RBM15B: variants seen among roughly 807,000 people sequenced by gnomAD.
RBM15B encodes putative RNA-binding protein 15B.
RBM15B carries 11 observed loss-of-function variants against 53.3 expected under a neutral mutation model. That is an observed-to-expected ratio of 0.21 (90% CI 0.13 to 0.34). The LOEUF (loss-of-function observed/expected upper bound fraction) is 0.34. Among genes scored for constraint, RBM15B ranks in the 10% least tolerant of loss-of-function variants. RBM15B has a pLI of 1.00. For missense variants in RBM15B, 1,136 were observed against 1,250.3 expected, an observed-to-expected ratio of 0.91 and a Z score of 1.38; for synonymous variants, 631 against 540.7, an observed-to-expected ratio of 1.17 and a Z score of -2.32.
rs370676706 is a variant in RBM15B, at chr3:51,392,846, C to G, written c.1447C>G (p.Arg483Gly). Residue 483 changes from arginine (R) to glycine (G), a missense_variant, in exon 1 of 1, where the codon CGC (arginine) becomes GGC (glycine). Arg to Gly is a moderately radical substitution (Grantham distance 125, BLOSUM62 -2). This residue lies in a region of RBM15B where 578 missense variants were observed against 581.6 expected (regional missense o/e 0.99). Coordinates refer to ENST00000563281, the MANE Select transcript of RBM15B (RefSeq NM_013286.5). This position sits in a 1 kb window ranked among gnomAD's most constrained non-coding sequence, Gnocchi z 7.5. ...GGGTTTTCCCTTGGGTGGACCAGAC[C>G]GCAGGCTCCGCGTGGATTTTGCCAA... ...MRGFPLGGPD[R>G]RLRVDFAKAE... 1.2e-6 allele frequency: 2 copies of G among 1,614,036 alleles called. No homozygotes were observed. Among genetic ancestry groups the G allele is most frequent in the Non-Finnish European group, 1.7e-6 (2 of 1,180,036 alleles).
chr3:51,395,115 G>GT lies in RBM15B; in HGVS notation c.*1044dup, dbSNP rs1366486770. ...CGTGTCCAGTCATACCTAGAGATTT[G>GT]TGGGGGGATACTGAACCTCTAGACT... On this transcript the variant is annotated 3_prime_UTR_variant, in exon 1 of 1. Transcript: ENST00000563281. 1 of 167,170 alleles carries GT rather than the reference G, an allele frequency of 6.0e-6. No individual in the cohort carries two copies. Among genetic ancestry groups the GT allele is most frequent in the Non-Finnish European group, 1.5e-5 (1 of 68,196 alleles). The allele number at this position is 167,170 out of a possible 1,614,324, so 10.4% of individuals were successfully genotyped here.
Position 51,392,263 on chromosome 3 carries a change from G to GGATGCCGCT in RBM15B, c.866_874dup (p.Asp289_Ala291dup). The GGATGCCGCT allele has an allele frequency of 6.2e-7, 1 of 1,600,514 alleles. No homozygotes were observed. Among genetic ancestry groups the GGATGCCGCT allele is most frequent in the Non-Finnish European group, 8.5e-7 (1 of 1,176,886 alleles). ...GTCACGCCGCCGCAGCCTTCGCCCT[G>GGATGCCGCT]GATGCCGCTGCTGCCGCCGCCGTGG... On this transcript the variant is annotated inframe_insertion, in exon 1 of 1. Coordinates refer to ENST00000563281, the MANE Select transcript of RBM15B (RefSeq NM_013286.5). The surrounding 1 kb of genome is among the most constrained non-coding windows in gnomAD (Gnocchi z 7.5).
Position 51,391,996 on chromosome 3 carries a change from C to A in RBM15B, c.597C>A (p.His199Gln). 3 of 1,598,724 alleles carry A rather than the reference C, an allele frequency of 1.9e-6. No homozygotes were observed. Among genetic ancestry groups the A allele is most frequent in the Non-Finnish European group, 2.5e-6 (3 of 1,177,954 alleles). Residue 199 changes from histidine to glutamine, a missense_variant, in exon 1 of 1, where the codon CAC (histidine) becomes CAA (glutamine). His to Gln is a conservative substitution (Grantham distance 24, BLOSUM62 0). Coordinates refer to ENST00000563281, the MANE Select transcript of RBM15B (RefSeq NM_013286.5). This position sits in a 1 kb window ranked among gnomAD's most constrained non-coding sequence, Gnocchi z 4.5. ...AGGACGCACGCGAGGCCCGCCAGCA[C>A]GCCCTGGCCCGGCAGCTGCTGCTCT... Reference protein sequence around the residue: ...HPQDAREARQHALARQLLLYD... With the variant: ...HPQDAREARQQALARQLLLYD...
At position 51,391,726 on chromosome 3, in the gene RBM15B, G is replaced by T. The variant is rs782267702; in HGVS notation, c.327G>T (p.Ser109=). The T allele has an allele frequency of 4.8e-6, 7 of 1,456,682 alleles. No individual in the cohort carries two copies. In the South Asian group the frequency reaches 6.8e-5, roughly 14 times the overall value. 90.2% of individuals were successfully genotyped at this position (1,456,682 alleles called of 1,614,324 possible). ...GGGACCCGGGCGCCTCCGGCATGTC[G>T]CCCCGCGCGTCTCCTCTGCCGCCGC... ...ASGDPGASGM[S]PRASPLPPPP... Residue 109 remains serine, a synonymous_variant, in exon 1 of 1, where the codon TCG becomes TCT. Transcript: ENST00000563281. The surrounding 1 kb of genome is among the most constrained non-coding windows in gnomAD (Gnocchi z 4.5).
Position 51,395,030 on chromosome 3 carries a change from GTTGT to G in RBM15B, c.*963_*966del, listed in dbSNP as rs1395829441. The G allele has an allele frequency of 6.0e-6, 1 of 167,176 alleles. No individual in the cohort carries two copies. Among genetic ancestry groups the G allele is most frequent in the Non-Finnish European group, 1.5e-5 (1 of 68,226 alleles). 10.4% of individuals were successfully genotyped at this position (167,176 alleles called of 1,614,324 possible). On this transcript the variant is annotated 3_prime_UTR_variant, in exon 1 of 1. Transcript: ENST00000563281. Reference sequence around the variant, plus strand: ...TGGATTTACTCATGAACTTTGCCTAGTTGTTTGTGATTTTTGGCTTTCTCTGGTC... The same window carrying G: ...TGGATTTACTCATGAACTTTGCCTAGTTGTGATTTTTGGCTTTCTCTGGTC...
chr3:51,392,797 C>T lies in RBM15B; in HGVS notation c.1398C>T (p.Ala466=). The T allele has an allele frequency of 6.2e-7, 1 of 1,614,100 alleles. No homozygotes were observed. The highest frequency in any genetic ancestry group is 1.1e-5 in the South Asian group (1 of 91,088). The change falls in exon 1 of 1, where the codon GCC becomes GCT. Residue 466 remains alanine, a synonymous_variant. Transcript: ENST00000563281. This position sits in a 1 kb window ranked among gnomAD's most constrained non-coding sequence, Gnocchi z 7.5. ...TTCAGTACGAGAGCTTGGACGCAGC[C>T]CAGGCCGCCTGTGCTAAAATGAGGG... ...AYIQYESLDA[A]QAACAKMRGF...
Position 51,396,442 on chromosome 3 carries a change from G to A in RBM15B, c.*2370G>A, listed in dbSNP as rs1280563382. 1 of 167,188 alleles carries A rather than the reference G, an allele frequency of 6.0e-6. No homozygotes were observed. The highest frequency in any genetic ancestry group is 6.5e-5 in the Admixed American group (1 of 15,286). The allele number at this position is 167,188 out of a possible 1,614,324, so 10.4% of individuals were successfully genotyped here. ...AACTCTCAGGCCTTGGCCAGCACTA[G>A]TTAGGGGAGGTCAGGTGGTCAATGT... is the stretch of plus-strand genomic sequence containing the variant. On this transcript the variant is annotated 3_prime_UTR_variant, in exon 1 of 1. Transcript: ENST00000563281.
In RBM15B at chr3:51,391,734, C is replaced by G. The variant is rs782225599; in HGVS notation, c.335C>G (p.Ala112Gly). 69 of 1,502,080 alleles carry G rather than the reference C, an allele frequency of 4.6e-5. No individual in the cohort carries two copies. The African/African-American group carries it at 8.0e-4, about 17-fold the overall frequency. 93.0% of individuals were successfully genotyped at this position (1,502,080 alleles called of 1,614,324 possible). A position where few individuals can be genotyped will look rare whatever the true frequency, so the allele number is the denominator to read the frequency against. ...GGCGCCTCCGGCATGTCGCCCCGCGCGTCTCCTCTGCCGCCGCCTCCGCCA... is the reference window on the plus strand; with the variant it reads ...GGCGCCTCCGGCATGTCGCCCCGCGGGTCTCCTCTGCCGCCGCCTCCGCCA... ...DPGASGMSPR[A>G]SPLPPPPPPP... Residue 112 changes from alanine (A) to glycine (G), a missense_variant, in exon 1 of 1, where the codon GCG (alanine) becomes GGG (glycine). By Grantham distance (60) the Ala-to-Gly change is moderately conservative. Coordinates refer to ENST00000563281, the MANE Select transcript of RBM15B (RefSeq NM_013286.5). The surrounding 1 kb of genome is among the most constrained non-coding windows in gnomAD (Gnocchi z 4.5).
Position 51,394,108 on chromosome 3 carries a change from A to C in RBM15B, c.*36A>C, listed in dbSNP as rs200082501. ...TCTTTCCCAGCGTCATGTTTGTGTCACAAAAGCAGTTATTTTAAAATCTGA... is the reference window on the plus strand; with the variant it reads ...TCTTTCCCAGCGTCATGTTTGTGTCCCAAAAGCAGTTATTTTAAAATCTGA... On this transcript the variant is annotated 3_prime_UTR_variant, in exon 1 of 1. Transcript: ENST00000563281. The C allele has an allele frequency of 7.2e-7, 1 of 1,385,470 alleles. No homozygotes were observed. The highest frequency in any genetic ancestry group is 1.5e-5 in the African/African-American group (1 of 67,980). 85.8% of individuals were successfully genotyped at this position (1,385,470 alleles called of 1,614,324 possible). A position where few individuals can be genotyped will look rare whatever the true frequency, so the allele number is the denominator to read the frequency against.
At position 51,391,639 on chromosome 3, in the gene RBM15B, G is replaced by T; in HGVS notation, c.240G>T (p.Ala80=). 1 of 1,192,522 alleles carries T rather than the reference G, an allele frequency of 8.4e-7. No homozygotes were observed. The highest frequency in any genetic ancestry group is 1.0e-6 in the Non-Finnish European group (1 of 963,254). The allele number at this position is 1,192,522 out of a possible 1,614,324, so 73.9% of individuals were successfully genotyped here. Residue 80 remains alanine, a synonymous_variant, in exon 1 of 1, where the codon GCG becomes GCT. Coordinates refer to ENST00000563281, the MANE Select transcript of RBM15B (RefSeq NM_013286.5). The surrounding 1 kb of genome is among the most constrained non-coding windows in gnomAD (Gnocchi z 4.5). ...GCACCGGGGACGCGAATCACCGCGC[G>T]AGTAGCGGGCGCTCCTCGGGCTCCG... is the stretch of plus-strand genomic sequence containing the variant. ...GRGTGDANHR[A]SSGRSSGSGA...
Position 51,391,752 on chromosome 3 carries a change from C to G in RBM15B, c.353C>G (p.Pro118Arg). ...MSPRASPLPP[P>R]PPPPGAEPAC... ...CCCCGCGCGTCTCCTCTGCCGCCGC[C>G]TCCGCCACCGCCTGGGGCCGAGCCC... Residue 118 changes from proline to arginine, a missense_variant, in exon 1 of 1, where the codon CCT (proline) becomes CGT (arginine). Around this residue, in one of 7 missense-constraint regions of RBM15B, gnomAD observed 257 missense variants for 261.1 expected, o/e 0.98. Transcript: ENST00000563281. The surrounding 1 kb of genome is among the most constrained non-coding windows in gnomAD (Gnocchi z 4.5). 1 of 1,549,870 alleles carries G rather than the reference C, an allele frequency of 6.5e-7. No individual in the cohort carries two copies. Among genetic ancestry groups the G allele is most frequent in the Non-Finnish European group, 8.6e-7 (1 of 1,158,654 alleles).
At position 51,391,304 on chromosome 3, in the gene RBM15B, A is replaced by C; in HGVS notation, c.-96A>C. The stretch of plus-strand genomic sequence containing the variant: ...ACCGCCGCGCCGAGTCCTTTTGTCC[A>C]AGATGGCGGCGCCGGGGGCGCTGCC... On this transcript the variant is annotated 5_prime_UTR_variant, in exon 1 of 1. Transcript: ENST00000563281. The surrounding 1 kb of genome is among the most constrained non-coding windows in gnomAD (Gnocchi z 4.5). 9.9e-7 allele frequency: 1 copy of C among 1,006,140 alleles called. No homozygotes were observed. The highest frequency in any genetic ancestry group is 1.2e-6 in the Non-Finnish European group (1 of 806,112). 62.3% of individuals were successfully genotyped at this position (1,006,140 alleles called of 1,614,324 possible).
Position 51,391,867 on chromosome 3 carries a change from G to T in RBM15B, c.468G>T (p.Glu156Asp). The T allele has an allele frequency of 6.2e-7, 1 of 1,603,536 alleles. No individual in the cohort carries two copies. The highest frequency in any genetic ancestry group is 8.5e-7 in the Non-Finnish European group (1 of 1,179,302). ...LSPALPAEHL[E>D]DRLFHQFKRF... ...CCGCGCTGCCCGCCGAGCACCTCGAGGACCGGCTCTTCCACCAGTTCAAGC... is the reference window on the plus strand; with the variant it reads ...CCGCGCTGCCCGCCGAGCACCTCGATGACCGGCTCTTCCACCAGTTCAAGC... Residue 156 changes from glutamate (E) to aspartate (D), a missense_variant, in exon 1 of 1, where the codon GAG (glutamate) becomes GAT (aspartate). Transcript: ENST00000563281. This position sits in a 1 kb window ranked among gnomAD's most constrained non-coding sequence, Gnocchi z 4.5.
rs1553621941 is a variant in RBM15B at position 51,393,315 on chromosome 3, A to G, written c.1916A>G (p.Asn639Ser). ...ACCCCTGAGCGCAGCCGCAAGGAGA[A>G]CCACTCCAGTGAAGGGACCAAGGAG... is the stretch of plus-strand genomic sequence containing the variant. ...DRTPERSRKE[N>S]HSSEGTKESS... Residue 639 changes from asparagine to serine, a missense_variant, in exon 1 of 1, where the codon AAC becomes AGC. Physicochemically the swap from Asn to Ser is conservative, Grantham distance 46 (BLOSUM62 1). Around this residue, in one of 7 missense-constraint regions of RBM15B, gnomAD observed 578 missense variants for 581.6 expected, o/e 0.99. Transcript: ENST00000563281. The surrounding 1 kb of genome is among the most constrained non-coding windows in gnomAD (Gnocchi z 5.6). 6.2e-7 allele frequency: 1 copy of G among 1,610,566 alleles called. No individual in the cohort carries two copies. Among genetic ancestry groups the G allele is most frequent in the Admixed American group, 1.7e-5 (1 of 59,154 alleles).
Position 51,393,101 on chromosome 3 carries a change from C to A in RBM15B, c.1702C>A (p.Arg568Ser). Residue 568 changes from arginine (R) to serine (S), a missense_variant, in exon 1 of 1, where the codon CGC becomes AGC. Transcript: ENST00000563281. This position sits in a 1 kb window ranked among gnomAD's most constrained non-coding sequence, Gnocchi z 5.6. The part of the protein sequence containing the change: ...DRRNSLEGYS[R>S]SVRSRSGERW... The stretch of plus-strand genomic sequence containing the variant: ...CCGAAACAGCCTTGAGGGCTACAGT[C>A]GCTCAGTGCGCAGCCGGAGTGGTGA... The A allele has an allele frequency of 1.9e-6, 3 of 1,614,016 alleles. No homozygotes were observed. The highest frequency in any genetic ancestry group is 2.5e-6 in the Non-Finnish European group (3 of 1,180,022).
rs1422632462 is a variant in RBM15B, at chr3:51,392,441, G to A, written c.1042G>A (p.Val348Ile). 4.3e-6 allele frequency: 7 copies of A among 1,613,898 alleles called. No individual in the cohort carries two copies. Among genetic ancestry groups the A allele is most frequent in the African/African-American group, 1.3e-5 (1 of 74,952 alleles). The change falls in exon 1 of 1, where the codon GTA becomes ATA. Residue 348 changes from valine to isoleucine, a missense_variant. Physicochemically the swap from Val to Ile is conservative, Grantham distance 29. This residue lies in a region of RBM15B where 40 missense variants were observed against 74.2 expected (regional missense o/e 0.54). Transcript: ENST00000563281. The surrounding 1 kb of genome is among the most constrained non-coding windows in gnomAD (Gnocchi z 7.5). ...NLFIGNLDHS[V>I]SEVELRRAFE... ...CTTCATTGGTAACCTGGACCACAGC[G>A]TATCTGAGGTGGAGCTGCGAAGGGC...
rs2089087544 is a variant in RBM15B, at chr3:51,393,987, A to G, written c.2588A>G (p.Gln863Arg). The stretch of plus-strand genomic sequence containing the variant: ...GCCTTCCCACCCTGCGACTTTTCCC[A>G]GCAGTACCTCCAGTCAGCACTAAGG... ...LYAFPPCDFS[Q>R]QYLQSALRTL... The change falls in exon 1 of 1, where the codon CAG becomes CGG. Residue 863 changes from glutamine to arginine, a missense_variant. This residue lies in a region of RBM15B where 578 missense variants were observed against 581.6 expected (regional missense o/e 0.99). Coordinates refer to ENST00000563281, the MANE Select transcript of RBM15B (RefSeq NM_013286.5). The surrounding 1 kb of genome is among the most constrained non-coding windows in gnomAD (Gnocchi z 5.6). 1.3e-6 allele frequency: 2 copies of G among 1,513,632 alleles called. No homozygotes were observed. The highest frequency in any genetic ancestry group is 4.6e-5 in the East Asian group (2 of 43,754). The allele number at this position is 1,513,632 out of a possible 1,614,324, so 93.8% of individuals were successfully genotyped here.
In RBM15B at chr3:51,392,316, A is replaced by T. The variant is rs782403499; in HGVS notation, c.917A>T (p.Tyr306Phe). ...VGLSRERALD[Y>F]YGLYDDRGRP... is the part of the protein sequence containing the mutation. ...CTGTCCCGGGAGCGGGCCCTGGACT[A>T]CTACGGGCTGTACGACGACCGTGGG... is the stretch of plus-strand genomic sequence containing the variant. Residue 306 changes from tyrosine (Y) to phenylalanine (F), a missense_variant, in exon 1 of 1, where the codon TAC becomes TTC. Physicochemically the swap from Tyr to Phe is conservative, Grantham distance 22. Around this residue, in one of 7 missense-constraint regions of RBM15B, gnomAD observed 204 missense variants for 196.8 expected, o/e 1.04. Transcript: ENST00000563281. The surrounding 1 kb of genome is among the most constrained non-coding windows in gnomAD (Gnocchi z 7.5). 6.2e-7 allele frequency: 1 copy of T among 1,612,490 alleles called. No homozygotes were observed. The highest frequency in any genetic ancestry group is 1.7e-5 in the Admixed American group (1 of 59,996).
At position 51,393,078 on chromosome 3, in the gene RBM15B, G is replaced by C. The variant is rs368511938; in HGVS notation, c.1679G>C (p.Arg560Pro). 2 of 1,613,850 alleles carry C rather than the reference G, an allele frequency of 1.2e-6. No homozygotes were observed. The highest frequency in any genetic ancestry group is 2.2e-5 in the East Asian group (1 of 44,854). The change falls in exon 1 of 1, where the codon CGA (arginine) becomes CCA (proline). Residue 560 changes from arginine (R) to proline (P), a missense_variant. Arg to Pro is a moderately radical substitution (Grantham distance 103). This residue lies in a region of RBM15B where 578 missense variants were observed against 581.6 expected (regional missense o/e 0.99). Coordinates refer to ENST00000563281, the MANE Select transcript of RBM15B (RefSeq NM_013286.5). The surrounding 1 kb of genome is among the most constrained non-coding windows in gnomAD (Gnocchi z 5.6). ...WTSPSKSSDR[R>P]NSLEGYSRSV... ...AGCCCCAGTAAAAGCTCTGACCGCC[G>C]AAACAGCCTTGAGGGCTACAGTCGC...
Sources: gnomAD v4.1 joint callset for allele counts on GRCh38, gnomAD v4.1.1 for gene constraint, gnomAD v4.1.1 regional missense constraint, Gnocchi (gnomAD v3.1) non-coding constraint, MANE v1.5 for transcripts, NCBI Gene and HGNC (gene_info 2026-07-23, HGNC 2026-07-21) for gene names.